The following TMEM87A variants were observed in gnomAD, a reference collection of about 807,000 sequenced individuals.
The protein encoded by TMEM87A is transmembrane protein 87A.
Under a neutral mutation model 90.0 loss-of-function variants are expected in TMEM87A, and 50 were observed. That is an observed-to-expected ratio of 0.56 (90% CI 0.44 to 0.70). TMEM87A has a LOEUF of 0.70. Among genes scored for constraint, TMEM87A ranks in the 30% least tolerant of loss-of-function variants. The pLI is 0.00. For missense variants in TMEM87A, 577 were observed against 660.5 expected, an observed-to-expected ratio of 0.87 and a Z score of 1.39; for synonymous variants, 226 against 226.7, an observed-to-expected ratio of 1.00 and a Z score of 0.03.
chr15:42,231,994 A>T (rs1040596545), intron 11 of TMEM87A: 1 of 740,166 alleles, frequency 1.4e-6, no homozygotes, highest in Non-Finnish European at 1.8e-6. Context: ...TTACATACAG[A>T]GGACAGTGTG....
intron 19 of TMEM87A, among the ~76,000 whole-genome samples, chr15:42,214,204 C>G (rs2050343378): frequency 2.6e-5 from 4 of 152,120 alleles, no homozygotes. Flanking sequence ...AAAAACAGCC[C>G]AGGACCAGAT....
chr15:42,221,965 G>C (rs2050494953), intron 15 of TMEM87A, among the ~76,000 whole-genome samples: 1 of 152,046 alleles, frequency 6.6e-6, no homozygotes, highest in Admixed American at 6.5e-5. Context: ...ATATTGCCAG[G>C]GCTGGTCTCA....
In TMEM87A at chr15:42,211,676, T is replaced by C. The variant is rs557353565; in HGVS notation, c.*32A>G. 2.1e-5 allele frequency: 33 copies of C among 1,607,358 alleles called. No homozygotes were observed. The East Asian group carries it at 4.9e-4, about 24-fold the overall frequency. On this transcript the variant is annotated 3_prime_UTR_variant, in exon 20 of 20. Coordinates refer to ENST00000389834, the MANE Select transcript of TMEM87A (RefSeq NM_015497.5). ...CAGATGCTGATCTCTTCCCTGATGG[T>C]AGCCATCTTTAACTGCAAATCTTCC...
intron 3 of TMEM87A, among the ~76,000 whole-genome samples, chr15:42,265,116 G>A (rs1344420373): frequency 6.6e-6 from 1 of 152,050 alleles, no homozygotes; most frequent in Non-Finnish European, 1.5e-5. Flanking sequence ...CCATTGATGG[G>A]CATTTAGGTT....
chr15:42,257,530 G>A (rs1173281207), intron 6 of TMEM87A, among the ~76,000 whole-genome samples: 1 of 152,082 alleles, frequency 6.6e-6, no homozygotes, highest in African/African-American at 2.4e-5. Context: ...CCCAGCTCCA[G>A]GTGTCCTTTC....
chr15:42,240,953 A>G (rs1227636683), intron 7 of TMEM87A, among the ~76,000 whole-genome samples: 1 of 152,252 alleles, frequency 6.6e-6, no homozygotes, highest in South Asian at 2.1e-4. Flanking sequence ...TGCCTTGGTC[A>G]GCAAAATATA....
intron 6 of TMEM87A, among the ~76,000 whole-genome samples, chr15:42,255,626 A>T (rs956096525): frequency 6.6e-6 from 1 of 152,156 alleles, no homozygotes; most frequent in Admixed American, 6.5e-5. Context: ...AACTCTATTA[A>T]TTTTTTTAAA....
At chr15:42,260,325 C>G (rs4923937) in intron 6 of TMEM87A, among the ~76,000 whole-genome samples, 144,905 of 152,326 alleles carry the variant, frequency 0.95, 69,282 homozygotes, top group Non-Finnish European at 1. Flanking sequence ...AGGGAGCCAT[C>G]TTCATACCAC....
intron 15 of TMEM87A, among the ~76,000 whole-genome samples, chr15:42,223,532 T>C (rs1286360474): frequency 6.6e-6 from 1 of 152,208 alleles, no homozygotes; most frequent in Non-Finnish European, 1.5e-5. Context: ...ATTTAGGTCA[T>C]GAGGGCTCCA....
Position 42,273,238 on chromosome 15 carries a change from G to A in TMEM87A, c.144+17C>T. On this transcript the variant is annotated intron_variant, in intron 1 of 19. Coordinates refer to ENST00000389834, the MANE Select transcript of TMEM87A (RefSeq NM_015497.5). ...CTTGCTCCTCTAGGTTCAGACGTTA[G>A]TGAAGTGAATACTCACCGACGGTAT... 1 of 1,613,208 alleles carries A rather than the reference G, an allele frequency of 6.2e-7. No individual in the cohort carries two copies. The highest frequency in any genetic ancestry group is 1.7e-5 in the Admixed American group (1 of 60,020).
chr15:42,233,862 T>C (rs548536415), intron 10 of TMEM87A, among the ~76,000 whole-genome samples: 1 of 151,982 alleles, frequency 6.6e-6, no homozygotes, highest in East Asian at 1.9e-4. Context: ...CGTGAACTCC[T>C]GGGCTCAAGC....
intron 6 of TMEM87A, chr15:42,257,899 T>G: frequency 1.0e-6 from 1 of 983,892 alleles, no homozygotes; most frequent in Non-Finnish European, 1.2e-6. Flanking sequence ...TTAATATGCA[T>G]GTGCTCTGTG....
Position 42,236,715 on chromosome 15 carries a change from G to A in TMEM87A, c.869-296C>T, listed in dbSNP as rs372797486. Among the ~76,000 whole-genome samples, 16 of 152,194 alleles carry A rather than the reference G, an allele frequency of 1.1e-4. No individual in the cohort carries two copies. In the South Asian group the frequency reaches 1.9e-3, roughly 18 times the overall value. ...CCCTATATGGACAGTTTGTAGCATC[G>A]AGACAATTTCCCCCATTTTTAAAAA... On this transcript the variant is annotated intron_variant, in intron 9 of 19. Coordinates refer to ENST00000389834, the MANE Select transcript of TMEM87A (RefSeq NM_015497.5).
rs2051542287 is a variant in TMEM87A, at chr15:42,272,078, T to C, written c.190A>G (p.Thr64Ala). The C allele has an allele frequency of 1.9e-6, 3 of 1,605,296 alleles. No homozygotes were observed. Among genetic ancestry groups the C allele is most frequent in the Non-Finnish European group, 2.5e-6 (3 of 1,177,128 alleles). ...AAAAACTCACACTTCAGGAAGATAG[T>C]GGTATTTCTGAAGAGGATCTTTCCA... ...SFGKILFRNT[T>A]IFLKFDGEPC... is the part of the protein sequence containing the mutation. The change falls in exon 2 of 20, where the codon ACT becomes GCT. Residue 64 changes from threonine (T) to alanine (A), a missense_variant. Transcript: ENST00000389834.
chr15:42,273,511 A>G (rs2051608454), upstream of TMEM87A: 1 of 1,513,374 alleles, frequency 6.6e-7, no homozygotes, highest in South Asian at 1.3e-5. Flanking sequence ...AACGTCGCGG[A>G]GCTTGTTTGC....
chr15:42,244,886 T>C (rs1053160001), intron 6 of TMEM87A, among the ~76,000 whole-genome samples: 1 of 151,218 alleles, frequency 6.6e-6, no homozygotes. Context: ...TTTACTACCA[T>C]CTGTTCTTAA....
At chr15:42,241,718 C>G (rs8036046) in intron 7 of TMEM87A, among the ~76,000 whole-genome samples, 104,814 of 151,994 alleles carry the variant, frequency 0.69, 40,036 homozygotes, top group Non-Finnish European at 0.86. Flanking sequence ...CCAGGTGCGG[C>G]GGCTCACACC....
chr15:42,273,028 C>A, intron 1 of TMEM87A: 2 of 671,292 alleles, frequency 3.0e-6, no homozygotes, highest in South Asian at 1.5e-5. Context: ...CGCTCCACCA[C>A]TCCTTTCTGT....
chr15:42,258,783 T>C lies in TMEM87A; in HGVS notation c.504+2175A>G, dbSNP rs966770532. The C allele has an allele frequency of 2.8e-6, 4 of 1,441,864 alleles. No homozygotes were observed. The African/African-American group carries it at 4.3e-5, about 16-fold the overall frequency. The allele number at this position is 1,441,864 out of a possible 1,614,324, so 89.3% of individuals were successfully genotyped here. On this transcript the variant is annotated intron_variant, in intron 6 of 19. Coordinates refer to ENST00000389834, the MANE Select transcript of TMEM87A (RefSeq NM_015497.5). ...CAAAGACTGTCATGCCTAACTTACA[T>C]TCAGTTAAAATTCTGTACAAATAAA...
Sources: allele counts gnomAD v4.1 joint callset (sites outside exome capture counted in the v4.1 genomes callset), GRCh38; gene constraint gnomAD v4.1.1; transcripts MANE v1.5; gene names NCBI Gene and HGNC (gene_info 2026-07-23, HGNC 2026-07-21).